The following TRANK1 variants were observed in gnomAD, a reference collection of about 807,000 sequenced individuals.
TRANK1 encodes TPR and ankyrin repeat-containing protein 1.
A neutral mutation model predicts 266.0 loss-of-function variants in TRANK1; 198 were observed. That is an observed-to-expected ratio of 0.74 (90% CI 0.66 to 0.84). The LOEUF (loss-of-function observed/expected upper bound fraction) is 0.84, where lower values mean the gene tolerates loss of function less well. Ranked by LOEUF, TRANK1 falls within the 40% of genes least tolerant of loss-of-function variation. The pLI is 0.00. For missense variants in TRANK1, 3,326 were observed against 3,634.6 expected (o/e 0.92, Z 2.18); for synonymous variants, 1,396 against 1,384.1 (o/e 1.01, Z -0.19).
intron 9 of TRANK1, among the ~76,000 whole-genome samples, chr3:36,865,024 G>GTTGTTTTTTTTTTTT (rs58393381): frequency 8.3e-6 from 1 of 119,808 alleles, no homozygotes; most frequent in East Asian, 2.5e-4. Context: ...TGTTTTTTTG[G>GTTGTTTTTTTTTTTT]TTTTTTTTTT....
rs1445092332 is a variant in TRANK1 at position 36,833,082 on chromosome 3, G to A, written c.6501C>T (p.Ala2167=). 1.9e-6 allele frequency: 3 copies of A among 1,612,610 alleles called. No homozygotes were observed. Among genetic ancestry groups the A allele is most frequent in the Admixed American group, 3.3e-5 (2 of 59,836 alleles). ...FLIMTDQVKL[A]LNKHLLGRLC... ...GCCTGCCCAAAAGGTGTTTGTTTAGGGCTAATTTCACTTGGTCAGTCATTA... is the reference window on the plus strand; with the variant it reads ...GCCTGCCCAAAAGGTGTTTGTTTAGAGCTAATTTCACTTGGTCAGTCATTA... Residue 2167 remains alanine, a synonymous_variant, in exon 22 of 24, where the codon GCC becomes GCT. Coordinates refer to ENST00000645898, the MANE Select transcript of TRANK1 (RefSeq NM_001329998.2).
At position 36,856,051 on chromosome 3, in the gene TRANK1, G is replaced by A. The variant is rs765304708; in HGVS notation, c.3671C>T (p.Pro1224Leu). 1 of 1,613,808 alleles carries A rather than the reference G, an allele frequency of 6.2e-7. No individual in the cohort carries two copies. Among genetic ancestry groups the A allele is most frequent in the Non-Finnish European group, 8.5e-7 (1 of 1,179,872 alleles). ...GAGTTTGTGAATGTTGGGGTCCAGT[G>A]GTTTGTAATGACTAGTGGCCTTGGT... ...KSTKATSHYK[P>L]LDPNIHKLQD... is the part of the protein sequence containing the mutation. Residue 1224 changes from proline (P) to leucine (L), a missense_variant, in exon 13 of 24, where the codon CCA becomes CTA. Physicochemically the swap from Pro to Leu is moderately conservative, Grantham distance 98. Coordinates refer to ENST00000645898, the MANE Select transcript of TRANK1 (RefSeq NM_001329998.2).
intron 20 of TRANK1, among the ~76,000 whole-genome samples, chr3:36,835,235 C>T (rs1284749353): frequency 2.2e-5 from 3 of 133,966 alleles, no homozygotes; most frequent in Non-Finnish European, 4.6e-5. Flanking sequence ...AGGAGAATGG[C>T]GTGAACCCGG....
At chr3:36,905,412 G>A (rs1185695168) in intron 2 of TRANK1, among the ~76,000 whole-genome samples, 1 of 152,144 alleles carries the variant, frequency 6.6e-6, no homozygotes, top group Admixed American at 6.5e-5. Flanking sequence ...TCCTCACAAT[G>A]GAATAAGAAG....
chr3:36,903,738 G>A (rs969530165), intron 2 of TRANK1, among the ~76,000 whole-genome samples: 1 of 152,242 alleles, frequency 6.6e-6, no homozygotes, highest in Admixed American at 6.5e-5. Context: ...TGCCTGTGAG[G>A]AGGGGCACAG....
Position 36,874,167 on chromosome 3 carries a change from C to G in TRANK1, c.1037G>C (p.Ser346Thr). ...ACACGTAGCTAGCTTTTCTAAGTGA[C>G]TGTTGATTTTCTCGATGGCTTTGAA... ...KNFKAIEKIN[S>T]HLEKLATCSK... Residue 346 changes from serine to threonine, a missense_variant, in exon 9 of 24, where the codon AGT becomes ACT. Physicochemically the swap from Ser to Thr is moderately conservative, Grantham distance 58. Coordinates refer to ENST00000645898, the MANE Select transcript of TRANK1 (RefSeq NM_001329998.2). 6.5e-7 allele frequency: 1 copy of G among 1,537,504 alleles called. No individual in the cohort carries two copies. Among genetic ancestry groups the G allele is most frequent in the Non-Finnish European group, 8.7e-7 (1 of 1,146,962 alleles).
chr3:36,892,968 G>T lies in TRANK1; in HGVS notation c.569C>A (p.Ser190Ter). The change falls in exon 6 of 24, where the codon TCA becomes TAA. Residue 190 changes from serine to a stop codon, truncating the protein, a stop_gained. Transcript: ENST00000645898. LOFTEE classifies it high-confidence loss of function. ...TCTTGGTAATCGGTCTTTTTTTGCT[G>T]ACAGAAGCAGAAATGACTGGTGGGA... Reference protein sequence around the residue: ...KGLWHSFLLLSAKKDRLPRNI... With the variant: ...KGLWHSFLLL The T allele has an allele frequency of 6.6e-7, 1 of 1,507,770 alleles. No individual in the cohort carries two copies. Among genetic ancestry groups the T allele is most frequent in the Non-Finnish European group, 8.8e-7 (1 of 1,136,156 alleles). The allele number at this position is 1,507,770 out of a possible 1,614,324, so 93.4% of individuals were successfully genotyped here. A position where few individuals can be genotyped will look rare whatever the true frequency, so the allele number is the denominator to read the frequency against.
Position 36,831,117 on chromosome 3 carries a change from G to T in TRANK1, c.8466C>A (p.Ile2822=), listed in dbSNP as rs1559411304. 1.2e-6 allele frequency: 2 copies of T among 1,613,956 alleles called. No individual in the cohort carries two copies. Among genetic ancestry groups the T allele is most frequent in the Non-Finnish European group, 1.7e-6 (2 of 1,179,896 alleles). ...ERNSESYEQH[I]HLEHHQRQQV... is the part of the protein sequence containing the mutation. The stretch of plus-strand genomic sequence containing the variant: ...GCTGCCTCTGGTGGTGTTCTAGATG[G>T]ATATGCTGCTCGTAAGACTCGCTGT... Residue 2822 remains isoleucine (I), a synonymous_variant, in exon 22 of 24, where the codon ATC becomes ATA. Coordinates refer to ENST00000645898, the MANE Select transcript of TRANK1 (RefSeq NM_001329998.2). The surrounding 1 kb of genome is among the most constrained non-coding windows in gnomAD (Gnocchi z 5.0).
chr3:36,849,912 A>G, intron 15 of TRANK1: 2 of 565,092 alleles, frequency 3.5e-6, no homozygotes, highest in Non-Finnish European at 4.5e-6. Context: ...TGTTTACAAA[A>G]GATTCTGTTT....
chr3:36,851,851 G>T lies in TRANK1; in HGVS notation c.4755C>A (p.Ile1585=), dbSNP rs368468535. The part of the protein sequence containing the change: ...QPIEFGAHQV[I]LVANETAKEK... ...CCTTTGCCGTTTCATTGGCCACAAG[G>T]ATTACCTGAAGAAAAACAAAAGAAC... Residue 1585 remains isoleucine, a synonymous_variant, in exon 15 of 24, where the codon ATC becomes ATA. Transcript: ENST00000645898. 6 of 1,594,172 alleles carry T rather than the reference G, an allele frequency of 3.8e-6. No homozygotes were observed. Among genetic ancestry groups the T allele is most frequent in the Non-Finnish European group, 5.1e-6 (6 of 1,171,334 alleles).
intron 9 of TRANK1, 81 bp from the exon 10 acceptor site, chr3:36,864,561 A>G (rs1433765344): frequency 1.1e-5 from 14 of 1,316,284 alleles, no homozygotes; most frequent in Non-Finnish European, 1.4e-5. Context: ...CAATTCTCCA[A>G]CCCTCCACAT....
intron 9 of TRANK1, among the ~76,000 whole-genome samples, chr3:36,866,052 A>AAAAG (rs56714482): frequency 0.25 from 31,977 of 127,562 alleles, 4,422 homozygotes; most frequent in Middle Eastern, 0.28. Context: ...GACAGAAAGA[A>AAAAG]AAAGAAAGAA....
chr3:36,942,668 A>G (rs2080512571), intron 1 of TRANK1, among the ~76,000 whole-genome samples: 1 of 151,068 alleles, frequency 6.6e-6, no homozygotes, highest in Non-Finnish European at 1.5e-5. Flanking sequence ...CCACACAGCC[A>G]TGTCCTACAG....
chr3:36,938,914 C>G lies in TRANK1; in HGVS notation c.23+5873G>C, dbSNP rs542798783. Among the ~76,000 whole-genome samples, 4 of 151,718 alleles carry G rather than the reference C, an allele frequency of 2.6e-5. No individual in the cohort carries two copies. In the East Asian group the frequency reaches 5.8e-4, roughly 22 times the overall value. ...GGCAGAGGCTGCAGTGAGCCTAGAT[C>G]GTGCCACCAAACTCCAGCCTGGGCA... is the stretch of plus-strand genomic sequence containing the variant. On this transcript the variant is annotated intron_variant, in intron 1 of 23. Transcript: ENST00000645898.
At chr3:36,887,258 A>G (rs1559454191) in intron 8 of TRANK1, among the ~76,000 whole-genome samples, 2 of 152,336 alleles carry the variant, frequency 1.3e-5, no homozygotes, top group Non-Finnish European at 1.5e-5. Context: ...GACCCAGTTC[A>G]TATCAGTTCA....
Position 36,892,901 on chromosome 3 carries a change from C to T in TRANK1, c.636G>A (p.Glu212=). ...TATATAGATATATATATCACCTTAC[C>T]TCAAAGAGACTTTTCAGTGATAACT... is the stretch of plus-strand genomic sequence containing the variant. ...VPELSLKSLF[E]KYVFIGLYEK... is the part of the protein sequence containing the mutation. The change falls in exon 6 of 24, where the codon GAG becomes GAA. Residue 212 remains glutamate, a splice_region_variant and synonymous_variant. Transcript: ENST00000645898. 1.4e-6 allele frequency: 2 copies of T among 1,435,930 alleles called. No homozygotes were observed. The highest frequency in any genetic ancestry group is 1.8e-6 in the Non-Finnish European group (2 of 1,093,882). The allele number at this position is 1,435,930 out of a possible 1,614,324, so 88.9% of individuals were successfully genotyped here. A position where few individuals can be genotyped will look rare whatever the true frequency, so the allele number is the denominator to read the frequency against.
intron 1 of TRANK1, among the ~76,000 whole-genome samples, chr3:36,942,627 G>A (rs1449662528): frequency 6.6e-6 from 1 of 151,924 alleles, no homozygotes; most frequent in African/African-American, 2.4e-5. Context: ...AAGCATCTGC[G>A]GTCTGTCTTT....
intron 9 of TRANK1, among the ~76,000 whole-genome samples, chr3:36,867,736 A>C (rs531852725): frequency 1.2e-4 from 19 of 152,360 alleles, no homozygotes; most frequent in African/African-American, 4.3e-4. Context: ...AATTACAATA[A>C]ATTTGCTTTT....
intron 22 of TRANK1, 72 bp downstream of exon 22, chr3:36,830,801 A>T (rs1209641983): frequency 2.0e-6 from 3 of 1,478,878 alleles, no homozygotes; most frequent in East Asian, 4.6e-5. Flanking sequence ...ACGACAAGGA[A>T]TTTAACCCTG....
Sources: allele counts gnomAD v4.1 joint callset (sites outside exome capture counted in the v4.1 genomes callset), GRCh38; gene constraint gnomAD v4.1.1; non-coding constraint Gnocchi (gnomAD v3.1); transcripts MANE v1.5; gene names NCBI Gene and HGNC (gene_info 2026-07-23, HGNC 2026-07-21).